Variants in SMPD3 observed in about 807,000 individuals in gnomAD.
SMPD3 encodes sphingomyelin phosphodiesterase 3.
Under a neutral mutation model 55.7 loss-of-function variants are expected in SMPD3, and 21 were observed. The observed-to-expected ratio is 0.38, with a 90% CI of 0.27 to 0.54. The LOEUF is 0.54. Ranked by LOEUF, SMPD3 falls within the 20% of genes least tolerant of loss-of-function variation. The pLI is 0.80. For missense variants in SMPD3, 842 were observed against 899.6 expected (o/e 0.94, Z 0.82); for synonymous variants, 457 against 404.3 (o/e 1.13, Z -1.56).
chr16:68,399,094 C>T (rs2090184720), intron 1 of SMPD3, among the ~76,000 whole-genome samples: 1 of 152,218 alleles, frequency 6.6e-6, no homozygotes, highest in Non-Finnish European at 1.5e-5. Context: ...ATCCTCCCGG[C>T]CTCCTCAGGC....
At chr16:68,390,587 G>C (rs1269803555) in intron 1 of SMPD3, among the ~76,000 whole-genome samples, 2 of 152,202 alleles carry the variant, frequency 1.3e-5, no homozygotes, top group Admixed American at 6.5e-5. Flanking sequence ...CTGGAGCCCA[G>C]GAGTTCAAGG....
rs539999157 is a variant in SMPD3, at chr16:68,371,279, G to T, written c.903C>A (p.Ser301=). 8.1e-6 allele frequency: 13 copies of T among 1,604,922 alleles called. No homozygotes were observed. The South Asian group carries it at 1.4e-4, about 18-fold the overall frequency. ...SLGSPSASRE[S]LVKGRAGPDT... is the part of the protein sequence containing the mutation. ...CTGGCCCAGCTCGCCCCTTCACCAGGGACTCCCGGGAGGCCGAGGGGCTGC... is the reference window on the plus strand; with the variant it reads ...CTGGCCCAGCTCGCCCCTTCACCAGTGACTCCCGGGAGGCCGAGGGGCTGC... The change falls in exon 3 of 9, where the codon TCC becomes TCA. Residue 301 remains serine (S), a synonymous_variant. Coordinates refer to ENST00000219334, the MANE Select transcript of SMPD3 (RefSeq NM_018667.4).
In SMPD3 at chr16:68,371,151, G is replaced by C. The variant is rs79466498; in HGVS notation, c.1031C>G (p.Ala344Gly). ...GAAGGCGGAGACCTCATGGTCGAAG[G>C]CCTCGTCGGGGTGCCGCCTCCTGCG... ...AARRRRHPDE[A>G]FDHEVSAFFP... The change falls in exon 3 of 9, where the codon GCC (alanine) becomes GGC (glycine). Residue 344 changes from alanine (A) to glycine (G), a missense_variant. Ala to Gly is a moderately conservative substitution (Grantham distance 60, BLOSUM62 0). Transcript: ENST00000219334. 2.6e-5 allele frequency: 42 copies of C among 1,613,678 alleles called. No individual in the cohort carries two copies. The East Asian group carries it at 8.9e-4, about 34-fold the overall frequency.
At chr16:68,439,083 T>C (rs1051839891) in intron 1 of SMPD3, among the ~76,000 whole-genome samples, 2 of 152,236 alleles carry the variant, frequency 1.3e-5, no homozygotes, top group Non-Finnish European at 2.9e-5. Context: ...AGCATTTTCA[T>C]ATATGTTGCC....
intron 1 of SMPD3, among the ~76,000 whole-genome samples, chr16:68,394,636 C>T (rs2152006563): frequency 6.6e-6 from 1 of 152,356 alleles, no homozygotes; most frequent in South Asian, 2.1e-4. Flanking sequence ...AAGTTTAGTG[C>T]AGCAGGATTC....
chr16:68,429,050 A>G (rs926102535), intron 1 of SMPD3, among the ~76,000 whole-genome samples: 21 of 152,236 alleles, frequency 1.4e-4, no homozygotes, highest in Non-Finnish European at 3.1e-4. Context: ...ATTGGGTGCC[A>G]TAGACAGGGC....
intron 2 of SMPD3, chr16:68,382,113 A>C (rs1484876371): frequency 6.6e-6 from 1 of 152,246 alleles, no homozygotes; most frequent in East Asian, 1.9e-4. Context: ...TTTGTAGTAG[A>C]AACTTTCTGC....
chr16:68,372,032 G>T lies in SMPD3; in HGVS notation c.150C>A (p.Asp50Glu), dbSNP rs372356402. 1.3e-5 allele frequency: 21 copies of T among 1,610,572 alleles called. No individual in the cohort carries two copies. Among genetic ancestry groups the T allele is most frequent in the Non-Finnish European group, 1.8e-5 (21 of 1,178,826 alleles). Residue 50 changes from aspartate (D) to glutamate (E), a missense_variant, in exon 3 of 9, where the codon GAC becomes GAA. Asp to Glu is a conservative substitution (Grantham distance 45). Around this residue, in one of 2 missense-constraint regions of SMPD3, gnomAD observed 193 missense variants for 256.0 expected, o/e 0.75. Transcript: ENST00000219334. The stretch of plus-strand genomic sequence containing the variant: ...AGAGCAGCTGCAGGCAGCACGGGTC[G>T]TCTGCCCGCTGGCGCTTCTCGTAGG... ...PTTYEKRQRA[D>E]DPCCLQLLCT...
intron 2 of SMPD3, among the ~76,000 whole-genome samples, chr16:68,383,747 T>G (rs1257171356): frequency 1.3e-5 from 2 of 152,148 alleles, no homozygotes; most frequent in Non-Finnish European, 2.9e-5. Flanking sequence ...TGTATTTGAT[T>G]GACAACTCTA....
intron 1 of SMPD3, among the ~76,000 whole-genome samples, chr16:68,399,509 GGACC>G (rs2090188843): frequency 6.6e-6 from 1 of 152,324 alleles, no homozygotes; most frequent in Admixed American, 6.5e-5. Context: ...AGGGAAGTAG[GGACC>G]CCTTCTAGGC....
At chr16:68,429,305 A>G (rs1351656520) in intron 1 of SMPD3, among the ~76,000 whole-genome samples, 2 of 152,232 alleles carry the variant, frequency 1.3e-5, no homozygotes, top group African/African-American at 4.8e-5. Flanking sequence ...GCCAGGCACC[A>G]GTCAATGCTG....
In SMPD3 at chr16:68,361,073, C is replaced by T. The variant is rs1171910065; in HGVS notation, c.*133G>A. 3.8e-6 allele frequency: 3 copies of T among 795,842 alleles called. No individual in the cohort carries two copies. Among genetic ancestry groups the T allele is most frequent in the Non-Finnish European group, 5.9e-6 (3 of 506,130 alleles). 49.3% of individuals were successfully genotyped at this position (795,842 alleles called of 1,614,324 possible). ...GCAGAGCAGCGCAGCTTCCAGGTTC[C>T]CGGGCACTGACTGTGGCTCCCTCCC... On this transcript the variant is annotated 3_prime_UTR_variant, in exon 9 of 9. Transcript: ENST00000219334.
chr16:68,368,248 CAGTGTGGGACCAAGACAA>C (rs1273913723), intron 3 of SMPD3: 1 of 149,592 alleles, frequency 6.7e-6, no homozygotes, highest in Non-Finnish European at 1.5e-5. Context: ...TGGCCACACC[CAGTGTGGGACCAAGACAA>C]GCAGGGGCCA....
chr16:68,427,914 C>G (rs1308042835), intron 1 of SMPD3, among the ~76,000 whole-genome samples: 1 of 152,134 alleles, frequency 6.6e-6, no homozygotes, highest in Non-Finnish European at 1.5e-5. Flanking sequence ...AGGATCCAGT[C>G]CCTTGTTCCC....
chr16:68,398,562 T>G (rs1226193938), intron 1 of SMPD3, among the ~76,000 whole-genome samples: 1 of 152,204 alleles, frequency 6.6e-6, no homozygotes, highest in East Asian at 1.9e-4. Context: ...CGATTCACTT[T>G]TCTTGACCAG....
chr16:68,384,727 A>G (rs2151999559), intron 2 of SMPD3, among the ~76,000 whole-genome samples: 1 of 152,246 alleles, frequency 6.6e-6, no homozygotes, highest in South Asian at 2.1e-4. Flanking sequence ...CCAGATGAAG[A>G]GAACAAAGCT....
intron 1 of SMPD3, among the ~76,000 whole-genome samples, chr16:68,388,839 A>T (rs557085901): frequency 6.6e-6 from 1 of 152,260 alleles, no homozygotes; most frequent in South Asian, 2.1e-4. Context: ...ATTCTGAGCC[A>T]GGCCTTGTTT....
Position 68,371,146 on chromosome 16 carries a change from C to T in SMPD3, c.1036G>A (p.Asp346Asn), listed in dbSNP as rs1272111423. 2 of 1,613,634 alleles carry T rather than the reference C, an allele frequency of 1.2e-6. No individual in the cohort carries two copies. The highest frequency in any genetic ancestry group is 2.7e-5 in the African/African-American group (2 of 74,940). Residue 346 changes from aspartate to asparagine, a missense_variant, in exon 3 of 9, where the codon GAC (aspartate) becomes AAC (asparagine). Physicochemically the swap from Asp to Asn is conservative, Grantham distance 23. Transcript: ENST00000219334. ...RRRRHPDEAF[D>N]HEVSAFFPAN... is the part of the protein sequence containing the mutation. ...GGGAAGAAGGCGGAGACCTCATGGT[C>T]GAAGGCCTCGTCGGGGTGCCGCCTC...
intron 2 of SMPD3, among the ~76,000 whole-genome samples, chr16:68,380,540 G>A (rs1384484196): frequency 6.6e-6 from 1 of 152,104 alleles, no homozygotes; most frequent in Admixed American, 6.5e-5. Context: ...ACCAAAGCAG[G>A]TCACGTCACC....
Sources: allele counts gnomAD v4.1 joint callset (sites outside exome capture counted in the v4.1 genomes callset), GRCh38; gene constraint gnomAD v4.1.1; regional missense constraint gnomAD v4.1.1; transcripts MANE v1.5; gene names NCBI Gene and HGNC (gene_info 2026-07-23, HGNC 2026-07-21).